The following SLC4A5 variants were observed in gnomAD, a reference collection of about 807,000 sequenced individuals.
The protein encoded by SLC4A5 is electrogenic sodium bicarbonate cotransporter 4.
SLC4A5 carries 96 observed loss-of-function variants against 120.4 expected under a neutral mutation model. The observed-to-expected ratio is 0.80, with a 90% confidence interval of 0.68 to 0.94. SLC4A5 has a LOEUF of 0.94. SLC4A5 is among the 40% of genes least tolerant of loss of function. The pLI is 0.00. For missense variants in SLC4A5, 1,259 were observed against 1,459.5 expected (o/e 0.86, Z 2.24); for synonymous variants, 550 against 571.1 (o/e 0.96, Z 0.53).
At chr2:74,324,867 C>A (rs1463825870) in intron 5 of SLC4A5, among the ~76,000 whole-genome samples, 1 of 152,116 alleles carries the variant, frequency 6.6e-6, no homozygotes, top group Non-Finnish European at 1.5e-5. Flanking sequence ...CTTCCCAGGA[C>A]ATTTCTGCTT....
At chr2:74,237,978 T>C (rs1573013566) in intron 21 of SLC4A5, among the ~76,000 whole-genome samples, 1 of 152,116 alleles carries the variant, frequency 6.6e-6, no homozygotes, top group East Asian at 1.9e-4. Context: ...GGCAGGCGCC[T>C]GTAGTCCCAG....
At chr2:74,257,219 C>T (rs374471887) in intron 12 of SLC4A5, among the ~76,000 whole-genome samples, 5 of 151,686 alleles carry the variant, frequency 3.3e-5, no homozygotes, top group Admixed American at 6.6e-5. Context: ...AATGGCACTA[C>T]CCTTATAATC....
chr2:74,257,333 C>T (rs1671000122), intron 12 of SLC4A5, among the ~76,000 whole-genome samples: 2 of 152,090 alleles, frequency 1.3e-5, no homozygotes, highest in South Asian at 4.1e-4. Flanking sequence ...CAGGAATTGA[C>T]AGGAACACCG....
chr2:74,254,847 G>C (rs1481760972), intron 13 of SLC4A5, 141 bp from the exon 14 acceptor site: 24 of 629,942 alleles, frequency 3.8e-5, no homozygotes, highest in Non-Finnish European at 2.8e-6. Context: ...ACAGGGTCTT[G>C]CTCCATCACC....
intron 8 of SLC4A5, among the ~76,000 whole-genome samples, chr2:74,270,278 T>A (rs1671431423): frequency 6.6e-6 from 1 of 152,226 alleles, no homozygotes; most frequent in Admixed American, 6.5e-5. Flanking sequence ...TTAGCTCACT[T>A]TCACCTTGAA....
chr2:74,229,116 T>TTTTTTTTTTTTTTTG (rs1553451209), intron 25 of SLC4A5, among the ~76,000 whole-genome samples: 23 of 136,538 alleles, frequency 1.7e-4, no homozygotes, highest in East Asian at 7.6e-4. Flanking sequence ...TTTTTTTTTT[T>TTTTTTTTTTTTTTTG]CTTGAGACAG....
chr2:74,297,904 C>T (rs973104062), intron 7 of SLC4A5, among the ~76,000 whole-genome samples: 2 of 152,160 alleles, frequency 1.3e-5, no homozygotes, highest in African/African-American at 2.4e-5. Flanking sequence ...GGCAATTTGG[C>T]TACTTGAAAG....
At chr2:74,332,460 T>C (rs1200274642) in intron 4 of SLC4A5, among the ~76,000 whole-genome samples, 1 of 152,204 alleles carries the variant, frequency 6.6e-6, no homozygotes, top group Non-Finnish European at 1.5e-5. Flanking sequence ...CTTCTCCCCA[T>C]ATACCAGCTC....
intron 4 of SLC4A5, among the ~76,000 whole-genome samples, chr2:74,329,269 T>C (rs1673291530): frequency 6.6e-6 from 1 of 151,998 alleles, no homozygotes; most frequent in Non-Finnish European, 1.5e-5. Flanking sequence ...GTGTGAGGTG[T>C]AGATGGAGGT....
In SLC4A5 at chr2:74,302,142, T is replaced by G. The variant is rs568540692; in HGVS notation, c.271+2347A>C. ...TGGGTACACAAGACTTTATTTTCCC[T>G]TTAAAAGGGGTTTTTACTTTACTCC... On this transcript the variant is annotated intron_variant, in intron 7 of 30. Transcript: ENST00000394019. 5.3e-5 allele frequency among the ~76,000 whole-genome samples: 8 copies of G among 152,276 alleles called. No individual in the cohort carries two copies. The South Asian group carries it at 1.7e-3, about 32-fold the overall frequency.
intron 27 of SLC4A5, among the ~76,000 whole-genome samples, chr2:74,225,832 G>T (rs963869677): frequency 2.6e-5 from 4 of 152,326 alleles, no homozygotes; most frequent in East Asian, 3.9e-4. Flanking sequence ...TAGGTGGAGG[G>T]TGTGGGTCTT....
intron 28 of SLC4A5, 81 bp downstream of exon 28, chr2:74,224,759 C>T (rs1413459932): frequency 1.0e-5 from 16 of 1,540,622 alleles, no homozygotes; most frequent in East Asian, 2.2e-5. Flanking sequence ...CCCAAGAAGC[C>T]GCCCTCTCCC....
chr2:74,254,573 C>G, intron 14 of SLC4A5, 46 bp downstream of exon 14: 2 of 1,460,214 alleles, frequency 1.4e-6, no homozygotes, highest in Non-Finnish European at 9.6e-7. Flanking sequence ...GTGCTTGGTG[C>G]AGGAGCTGTA....
chr2:74,230,062 C>G (rs768663787), intron 25 of SLC4A5, among the ~76,000 whole-genome samples: 3 of 151,698 alleles, frequency 2.0e-5, no homozygotes, highest in Non-Finnish European at 4.4e-5. Flanking sequence ...CTATGTTGCC[C>G]AGGCTGGTCT....
chr2:74,284,162 CTT>C (rs1182761794), intron 8 of SLC4A5, among the ~76,000 whole-genome samples: 3 of 81,104 alleles, frequency 3.7e-5, no homozygotes, highest in Admixed American at 1.5e-4. Context: ...TTCCTTATTT[CTT>C]TTTTTTTTTT....
chr2:74,294,398 A>G (rs1672266651), intron 7 of SLC4A5, among the ~76,000 whole-genome samples: 1 of 152,208 alleles, frequency 6.6e-6, no homozygotes, highest in Non-Finnish European at 1.5e-5. Context: ...AAAGGCAATT[A>G]TTACTCATGA....
chr2:74,298,344 G>A (rs1017172616), intron 7 of SLC4A5, among the ~76,000 whole-genome samples: 2 of 152,180 alleles, frequency 1.3e-5, no homozygotes, highest in Non-Finnish European at 2.9e-5. Flanking sequence ...TCCAATAAAT[G>A]GTGTTGAGAA....
chr2:74,255,981 T>C lies in SLC4A5; in HGVS notation c.868-49A>G, dbSNP rs747901955. 2.3e-5 allele frequency: 36 copies of C among 1,593,262 alleles called. No individual in the cohort carries two copies. In the South Asian group the frequency reaches 3.9e-4, roughly 17 times the overall value. ...TAGCCAAGGAGACTCCCACCTGCTC[T>C]CACTCCCTCACTCCCCTTCAGACTG... On this transcript the variant is annotated intron_variant, in intron 12 of 30. Transcript: ENST00000394019. This position sits in a 1 kb window ranked among gnomAD's most constrained non-coding sequence, Gnocchi z 4.0.
At chr2:74,221,368 T>C in intron 30 of SLC4A5, 66 bp downstream of exon 30, 1 of 1,290,488 alleles carries the variant, frequency 7.7e-7, no homozygotes, top group South Asian at 1.2e-5. Flanking sequence ...TCCTAGACCC[T>C]CCACCTTCCC....
Sources: gnomAD v4.1 joint callset for allele counts (sites outside exome capture counted in the v4.1 genomes callset) on GRCh38, gnomAD v4.1.1 for gene constraint, Gnocchi (gnomAD v3.1) non-coding constraint, MANE v1.5 for transcripts, NCBI Gene and HGNC (gene_info 2026-07-23, HGNC 2026-07-21) for gene names.